The following SLC25A42 variants were observed in gnomAD, a reference collection of about 807,000 sequenced individuals.
SLC25A42 encodes solute carrier family 25 member 42.
In SLC25A42, 19 loss-of-function variants were observed where a neutral mutation model predicts 34.7. The ratio of observed to expected loss-of-function variants is 0.55; its 90% CI spans 0.38 to 0.80. The LOEUF (loss-of-function observed/expected upper bound fraction) is 0.80, where lower values mean the gene tolerates loss of function less well. Among genes scored for constraint, SLC25A42 ranks in the 30% least tolerant of loss-of-function variants. SLC25A42 has a pLI of 0.00. For missense variants in SLC25A42, 364 were observed against 441.3 expected (o/e 0.82, Z 1.57); for synonymous variants, 205 against 191.2 (o/e 1.07, Z -0.59).
intron 6 of SLC25A42, among the ~76,000 whole-genome samples, chr19:19,107,337 A>T (rs534835146): frequency 7.2e-5 from 11 of 151,864 alleles, no homozygotes; most frequent in Admixed American, 7.2e-4. Context: ...AAACAAAAAA[A>T]GTGTAAGAAT....
At position 19,098,913 on chromosome 19, in the gene SLC25A42, G is replaced by A. The variant is rs2059779682; in HGVS notation, c.81+2708G>A. 2.0e-5 allele frequency among the ~76,000 whole-genome samples: 3 copies of A among 152,200 alleles called. 1 individual carries two copies. The South Asian group carries it at 6.2e-4, about 31-fold the overall frequency. ...CACTCCAGCCTGGTGGACAGAGCAA[G>A]ACTGTCTCAAAAAACAAACAAAACG... On this transcript the variant is annotated intron_variant, in intron 2 of 7. Coordinates refer to ENST00000318596, the MANE Select transcript of SLC25A42 (RefSeq NM_178526.5).
chr19:19,105,273 G>T, intron 4 of SLC25A42: 2 of 573,856 alleles, frequency 3.5e-6, no homozygotes, highest in Non-Finnish European at 6.2e-6. Context: ...ATGCCCTTGG[G>T]CAGGGCTCCG....
At chr19:19,087,434 C>T (rs1189342097) in intron 1 of SLC25A42, among the ~76,000 whole-genome samples, 1 of 152,130 alleles carries the variant, frequency 6.6e-6, no homozygotes, top group Non-Finnish European at 1.5e-5. Flanking sequence ...ATTATAGATG[C>T]ACACCACCAC....
chr19:19,069,088 A>C (rs1238129364), intron 1 of SLC25A42, among the ~76,000 whole-genome samples: 1 of 152,094 alleles, frequency 6.6e-6, no homozygotes, highest in Admixed American at 6.6e-5. Flanking sequence ...ACCAATAATA[A>C]AATTAGCACC....
intron 1 of SLC25A42, among the ~76,000 whole-genome samples, chr19:19,094,616 G>A (rs1251674299): frequency 6.6e-6 from 1 of 152,184 alleles, no homozygotes; most frequent in Non-Finnish European, 1.5e-5. Flanking sequence ...AGTCAGCAGT[G>A]GAGGCTGGTG....
At chr19:19,068,005 C>T (rs2059610898) in intron 1 of SLC25A42, among the ~76,000 whole-genome samples, 1 of 152,084 alleles carries the variant, frequency 6.6e-6, no homozygotes, top group Admixed American at 6.6e-5. Context: ...TTTTGCAAGA[C>T]AGAGCTTTTA....
At chr19:19,065,867 T>G (rs910137383) in intron 1 of SLC25A42, among the ~76,000 whole-genome samples, 6 of 151,600 alleles carry the variant, frequency 4.0e-5, no homozygotes, top group Admixed American at 1.3e-4. Flanking sequence ...AGTTTTTGGG[T>G]TTTTTTTGAG....
chr19:19,068,539 C>T (rs1368316113), intron 1 of SLC25A42, among the ~76,000 whole-genome samples: 19 of 151,370 alleles, frequency 1.3e-4, no homozygotes, highest in Non-Finnish European at 2.1e-4. Context: ...TGTTGGTGGG[C>T]GCCTGTATTC....
intron 1 of SLC25A42, among the ~76,000 whole-genome samples, chr19:19,076,932 C>T (rs898103939): frequency 1.3e-5 from 2 of 152,070 alleles, no homozygotes; most frequent in African/African-American, 4.8e-5. Flanking sequence ...GTTTGTAATT[C>T]CAGCACTTTG....
intron 2 of SLC25A42, among the ~76,000 whole-genome samples, chr19:19,100,472 C>T (rs1193735666): frequency 6.6e-6 from 1 of 152,084 alleles, no homozygotes; most frequent in Non-Finnish European, 1.5e-5. Context: ...TTCCCTGTGC[C>T]AGCAAATCTG....
intron 1 of SLC25A42, among the ~76,000 whole-genome samples, chr19:19,078,896 G>A (rs2059667989): frequency 6.6e-6 from 1 of 151,970 alleles, no homozygotes; most frequent in Non-Finnish European, 1.5e-5. Context: ...TTGTCCCCCA[G>A]GCTGGAGTGC....
At chr19:19,067,256 ATTAGAC>A (rs2059607595) in intron 1 of SLC25A42, among the ~76,000 whole-genome samples, 1 of 152,028 alleles carries the variant, frequency 6.6e-6, no homozygotes, top group African/African-American at 2.4e-5. Flanking sequence ...GGGATTAAAC[ATTAGAC>A]TTGTTTCTCT....
intron 2 of SLC25A42, among the ~76,000 whole-genome samples, chr19:19,101,443 G>A (rs948057211): frequency 1.3e-5 from 2 of 152,168 alleles, no homozygotes; most frequent in African/African-American, 4.8e-5. Flanking sequence ...CAATGCCACA[G>A]TGCCGTAGTC....
chr19:19,088,292 G>C (rs957334845), intron 1 of SLC25A42, among the ~76,000 whole-genome samples: 1 of 147,268 alleles, frequency 6.8e-6, no homozygotes, highest in East Asian at 2.0e-4. Flanking sequence ...TGCAAGCTCC[G>C]CCTTCCGGGT....
At chr19:19,106,526 T>C (rs1451836872) in intron 6 of SLC25A42, 141 bp downstream of exon 6, 3 of 593,048 alleles carry the variant, frequency 5.1e-6, no homozygotes, top group Non-Finnish European at 8.7e-6. Context: ...TGATGTGTCA[T>C]TCTGCAGCTG....
chr19:19,068,821 G>C (rs2059615174), intron 1 of SLC25A42, among the ~76,000 whole-genome samples: 1 of 150,502 alleles, frequency 6.6e-6, no homozygotes, highest in Admixed American at 6.7e-5. Flanking sequence ...CTGGGTGACA[G>C]AGCGACACTC....
chr19:19,065,653 G>C (rs546795403), intron 1 of SLC25A42, among the ~76,000 whole-genome samples: 3 of 152,208 alleles, frequency 2.0e-5, no homozygotes, highest in Admixed American at 6.5e-5. Context: ...GAAGCCATTT[G>C]GGTTTTCTGT....
At chr19:19,095,994 C>T (rs115983311) in intron 1 of SLC25A42, 97 bp from the exon 2 acceptor site, 64 of 807,510 alleles carry the variant, frequency 7.9e-5, no homozygotes, top group Middle Eastern at 2.2e-4. Flanking sequence ...TCCCTCCCCA[C>T]GCAGGGAGCC....
At chr19:19,092,981 G>A (rs1431036256) in intron 1 of SLC25A42, among the ~76,000 whole-genome samples, 2 of 152,110 alleles carry the variant, frequency 1.3e-5, no homozygotes, top group East Asian at 3.9e-4. Context: ...GGCTGGGAAA[G>A]GTCTTTAGGA....
Sources: gnomAD v4.1 joint callset for allele counts (sites outside exome capture counted in the v4.1 genomes callset) on GRCh38, gnomAD v4.1.1 for gene constraint, MANE v1.5 for transcripts, NCBI Gene and HGNC (gene_info 2026-07-23, HGNC 2026-07-21) for gene names.